RALGPS2: variants seen among roughly 807,000 people sequenced by gnomAD.
RALGPS2 encodes the protein ras-specific guanine nucleotide-releasing factor RalGPS2.
In RALGPS2, 43 loss-of-function variants were observed where a neutral mutation model predicts 86.8. The observed-to-expected ratio is 0.50, with a 90% CI of 0.39 to 0.64. The LOEUF (loss-of-function observed/expected upper bound fraction) is 0.64, where lower values mean the gene tolerates loss of function less well. Ranked by LOEUF, RALGPS2 falls within the 30% of genes least tolerant of loss-of-function variation. RALGPS2 has a pLI of 0.00. For missense variants in RALGPS2, 536 were observed against 694.6 expected (o/e 0.77, Z 2.57); for synonymous variants, 243 against 231.3 (o/e 1.05, Z -0.46).
At chr1:178,802,992 G>T (rs1462197674) in intron 4 of RALGPS2, among the ~76,000 whole-genome samples, 4 of 152,010 alleles carry the variant, frequency 2.6e-5, no homozygotes, top group Non-Finnish European at 5.9e-5. Context: ...CTGTGTATGA[G>T]TGGACCCACA....
intron 1 of RALGPS2, among the ~76,000 whole-genome samples, chr1:178,767,661 G>A (rs1420147183): frequency 5.3e-5 from 8 of 152,202 alleles, no homozygotes; most frequent in Admixed American, 5.2e-4. Flanking sequence ...GGACTGCTGG[G>A]CTGGAAGCTG....
intron 6 of RALGPS2, among the ~76,000 whole-genome samples, chr1:178,818,176 A>G (rs1163717632): frequency 6.6e-6 from 1 of 152,126 alleles, no homozygotes; most frequent in African/African-American, 2.4e-5. Flanking sequence ...GCTGGTCAAC[A>G]TAGTGAAACC....
intron 1 of RALGPS2, among the ~76,000 whole-genome samples, chr1:178,737,303 G>A (rs2102014509): frequency 6.6e-6 from 1 of 152,268 alleles, no homozygotes; most frequent in East Asian, 1.9e-4. Context: ...TGAAGTGCCG[G>A]TGGCATGATC....
At chr1:178,887,100 TC>T (rs1659521178) in intron 13 of RALGPS2, among the ~76,000 whole-genome samples, 2 of 152,182 alleles carry the variant, frequency 1.3e-5, no homozygotes, top group South Asian at 4.1e-4. Context: ...TGTTTTTACT[TC>T]CTAAACTTTT....
intron 1 of RALGPS2, among the ~76,000 whole-genome samples, chr1:178,739,797 G>A (rs1212020299): frequency 6.6e-6 from 1 of 152,138 alleles, no homozygotes; most frequent in African/African-American, 2.4e-5. Context: ...TGGACTTAAG[G>A]GAACAGGCAG....
chr1:178,853,448 A>AT (rs545411847), intron 8 of RALGPS2: 6 of 765,802 alleles, frequency 7.8e-6, no homozygotes, highest in African/African-American at 3.7e-5. Context: ...GATGAGAATC[A>AT]TTTTTTTGAC....
rs192121294 is a variant in RALGPS2 at position 178,741,021 on chromosome 1, G to A, written c.-84+15602G>A. ...GCGTATAACAGATGTTCAATAAATA[G>A]TATCATATATGTAATGATATTTGAG... On this transcript the variant is annotated intron_variant, in intron 1 of 19. Coordinates refer to ENST00000367635, the MANE Select transcript of RALGPS2 (RefSeq NM_152663.5). Among the ~76,000 whole-genome samples, 7 of 152,126 alleles carry A rather than the reference G, an allele frequency of 4.6e-5. No individual in the cohort carries two copies. The East Asian group carries it at 1.4e-3, about 30-fold the overall frequency.
chr1:178,849,201 G>A (rs1359474666), intron 8 of RALGPS2, among the ~76,000 whole-genome samples: 1 of 152,164 alleles, frequency 6.6e-6, no homozygotes, highest in African/African-American at 2.4e-5. Context: ...AACACAGCTA[G>A]CAAGTGGTAG....
At chr1:178,893,453 CTT>C (rs71569219) in intron 15 of RALGPS2, among the ~76,000 whole-genome samples, 4 of 116,272 alleles carry the variant, frequency 3.4e-5, no homozygotes, top group African/African-American at 8.4e-5. Flanking sequence ...AGCATGTTTT[CTT>C]TTTTTTTTTT....
At chr1:178,869,113 C>T (rs990053149) in intron 8 of RALGPS2, 1 of 151,922 alleles carries the variant, frequency 6.6e-6, no homozygotes, top group Non-Finnish European at 1.5e-5. Context: ...AGAATACTTA[C>T]GTTTAAATTT....
intron 19 of RALGPS2, among the ~76,000 whole-genome samples, chr1:178,910,860 G>A (rs1335214432): frequency 6.6e-6 from 1 of 152,016 alleles, no homozygotes; most frequent in Non-Finnish European, 1.5e-5. Flanking sequence ...TCGTACATAT[G>A]GTAGAATTCA....
At chr1:178,895,079 A>G (rs943876408) in intron 16 of RALGPS2, among the ~76,000 whole-genome samples, 4 of 152,030 alleles carry the variant, frequency 2.6e-5, no homozygotes, top group Admixed American at 2.0e-4. Context: ...GGGGGAAAAA[A>G]GGAAGATTGG....
chr1:178,787,766 T>G (rs1424910538), intron 4 of RALGPS2, among the ~76,000 whole-genome samples: 1 of 152,180 alleles, frequency 6.6e-6, no homozygotes, highest in Non-Finnish European at 1.5e-5. Flanking sequence ...ATCTATCCAG[T>G]CTATCTCTAC....
chr1:178,825,473 A>G lies in RALGPS2; in HGVS notation c.480+3769A>G, dbSNP rs73039809. The stretch of plus-strand genomic sequence containing the variant: ...TGGTAGAAGATAAGATCATTGGAGC[A>G]GAAGTCCAGAAACTAAGAAACCAGA... On this transcript the variant is annotated intron_variant, in intron 7 of 19. Coordinates refer to ENST00000367635, the MANE Select transcript of RALGPS2 (RefSeq NM_152663.5). Among the ~76,000 whole-genome samples the G allele has an allele frequency of 9.4e-3, 1,428 of 152,300 alleles. 23 individuals are homozygous for G. Among genetic ancestry groups the G allele is most frequent in the African/African-American group, 0.033 (1,368 of 41,546 alleles).
At chr1:178,764,693 G>C (rs905681629) in intron 1 of RALGPS2, among the ~76,000 whole-genome samples, 5 of 152,212 alleles carry the variant, frequency 3.3e-5, no homozygotes, top group African/African-American at 1.2e-4. Context: ...TTCTGAAACA[G>C]ATATTATTTC....
At chr1:178,900,946 C>T (rs1452689743) in intron 17 of RALGPS2, among the ~76,000 whole-genome samples, 1 of 151,892 alleles carries the variant, frequency 6.6e-6, no homozygotes, top group Non-Finnish European at 1.5e-5. Flanking sequence ...AGTTTTTAGG[C>T]TTAAGAAAAG....
At chr1:178,840,436 C>A (rs1228342825) in intron 8 of RALGPS2, among the ~76,000 whole-genome samples, 13 of 151,926 alleles carry the variant, frequency 8.6e-5, no homozygotes, top group Non-Finnish European at 1.2e-4. Context: ...AGAAATAAAG[C>A]TGTTCTTTGA....
At chr1:178,753,261 T>TA (rs1272233811) in intron 1 of RALGPS2, among the ~76,000 whole-genome samples, 2 of 152,224 alleles carry the variant, frequency 1.3e-5, no homozygotes, top group Admixed American at 6.5e-5. Context: ...CTTTCATTCT[T>TA]ACACATTTGA....
intron 7 of RALGPS2, among the ~76,000 whole-genome samples, chr1:178,831,751 C>T (rs1656033138): frequency 6.6e-6 from 1 of 151,640 alleles, no homozygotes; most frequent in Non-Finnish European, 1.5e-5. Context: ...GTTAATAGAG[C>T]TTCTGAGCTA....
Sources: gnomAD v4.1 joint callset for allele counts (sites outside exome capture counted in the v4.1 genomes callset) on GRCh38, gnomAD v4.1.1 for gene constraint, MANE v1.5 for transcripts, NCBI Gene and HGNC (gene_info 2026-07-23, HGNC 2026-07-21) for gene names.